The following SUMF1 variants were observed in gnomAD, a reference collection of about 807,000 sequenced individuals.
SUMF1 encodes the protein formylglycine-generating enzyme.
In SUMF1, 48 loss-of-function variants were observed where a neutral mutation model predicts 47.6. The ratio of observed to expected loss-of-function variants is 1.01; its 90% CI spans 0.80 to 1.28. The LOEUF (loss-of-function observed/expected upper bound fraction) is 1.28. SUMF1 is among the 50% of genes most tolerant of loss of function. SUMF1 has a pLI of 0.00. For synonymous variants in SUMF1, 230 were observed against 192.1 expected (o/e 1.20, Z -1.63); for missense variants, 571 against 485.4 (o/e 1.18, Z -1.66).
chr3:4,262,209 A>G (rs368736406), intron 8 of SUMF1, among the ~76,000 whole-genome samples: 88 of 152,244 alleles, frequency 5.8e-4, no homozygotes, highest in African/African-American at 1.9e-3. Context: ...TCCTTGGGCC[A>G]GGTAGGAGGA....
At chr3:4,261,849 G>A (rs955472491) in intron 8 of SUMF1, among the ~76,000 whole-genome samples, 10 of 152,308 alleles carry the variant, frequency 6.6e-5, no homozygotes, top group African/African-American at 1.2e-4. Context: ...ACTGATGTAC[G>A]GAGTCAGGTG....
At position 4,058,529 on chromosome 3, in the gene SUMF1, G is replaced by C. The variant is rs146763815; in HGVS notation, c.1191+10040C>G. Among the ~76,000 whole-genome samples, 693 of 152,238 alleles carry C rather than the reference G, an allele frequency of 4.6e-3. 5 individuals are homozygous for C. The highest frequency in any genetic ancestry group is 0.016 in the African/African-American group (655 of 41,532). The stretch of plus-strand genomic sequence containing the variant: ...GGGACTGGCTGGATCCACACAGAAG[G>C]GGGCAGGAACTCTGTTGAAAGATGG... On this transcript the variant is annotated intron_variant and NMD_transcript_variant, in intron 9 of 12. Coordinates refer to the SUMF1 transcript ENST00000448413.
At chr3:4,455,106 GC>G (rs1416661400) in intron 1 of SUMF1, among the ~76,000 whole-genome samples, 1 of 152,066 alleles carries the variant, frequency 6.6e-6, no homozygotes, top group Non-Finnish European at 1.5e-5. Flanking sequence ...AAAACCACAG[GC>G]CTTCAACCAT....
intron 8 of SUMF1, among the ~76,000 whole-genome samples, chr3:4,180,888 C>T (rs928094401): frequency 2.0e-5 from 3 of 152,012 alleles, no homozygotes; most frequent in Non-Finnish European, 4.4e-5. Context: ...GGAGTCCCCA[C>T]ATGGTTGGTA....
At chr3:4,112,439 G>A (rs1273859260) in intron 8 of SUMF1, among the ~76,000 whole-genome samples, 1 of 152,118 alleles carries the variant, frequency 6.6e-6, no homozygotes, top group Non-Finnish European at 1.5e-5. Flanking sequence ...ATTGCTAATG[G>A]TGAGAAGAAA....
rs1472098649 is a variant in SUMF1, at chr3:4,369,271, A to G, written c.1015-7017T>C. Among the ~76,000 whole-genome samples the G allele has an allele frequency of 6.6e-5, 10 of 152,156 alleles. No homozygotes were observed. In the East Asian group the frequency reaches 1.7e-3, roughly 26 times the overall value. ...TAACATTAGCAATTCTCAGGTAGAC[A>G]AAAGGAAGATGAATTTAAAGTGTGC... On this transcript the variant is annotated intron_variant, in intron 8 of 8. Transcript: ENST00000272902.
chr3:4,356,330 C>G (rs376207784), downstream of SUMF1, among the ~76,000 whole-genome samples: 29 of 152,322 alleles, frequency 1.9e-4, no homozygotes, highest in East Asian at 5.4e-3. Flanking sequence ...AATCTGCAAA[C>G]TTAGCCATAA....
intron 8 of SUMF1, among the ~76,000 whole-genome samples, chr3:4,135,288 C>T (rs1181843707): frequency 2.0e-5 from 3 of 152,102 alleles, no homozygotes; most frequent in Non-Finnish European, 2.9e-5. Flanking sequence ...ATCAAGTGGG[C>T]TTCATCCCTG....
intron 8 of SUMF1, among the ~76,000 whole-genome samples, chr3:4,195,637 G>T (rs1399787286): frequency 1.3e-5 from 2 of 152,118 alleles, no homozygotes; most frequent in East Asian, 3.9e-4. Flanking sequence ...TTATGAATAG[G>T]CAAGGATCTA....
At chr3:4,417,092 C>T in intron 6 of SUMF1, 36 bp downstream of exon 6, 1 of 1,601,242 alleles carries the variant, frequency 6.2e-7, no homozygotes, top group Non-Finnish European at 8.6e-7. Context: ...CAGTTCTCAG[C>T]AGCTGCCACC....
intron 8 of SUMF1, among the ~76,000 whole-genome samples, chr3:4,202,656 C>G (rs1357406015): frequency 1.3e-5 from 2 of 151,728 alleles, no homozygotes; most frequent in East Asian, 3.9e-4. Context: ...GTCATTGGTA[C>G]TTTGATAGGG....
At chr3:4,227,897 T>C (rs1362181587) in intron 8 of SUMF1, among the ~76,000 whole-genome samples, 1 of 152,166 alleles carries the variant, frequency 6.6e-6, no homozygotes, top group Non-Finnish European at 1.5e-5. Flanking sequence ...TCATTATGAA[T>C]ACAGAGACCT....
At chr3:4,426,201 C>CT (rs1314723436) in intron 3 of SUMF1, among the ~76,000 whole-genome samples, 1 of 152,188 alleles carries the variant, frequency 6.6e-6, no homozygotes, top group Non-Finnish European at 1.5e-5. Context: ...GCTTGGGCCC[C>CT]TGTAAGGGAA....
chr3:4,316,725 T>C (rs1414327766), intron 8 of SUMF1: 9 of 1,550,886 alleles, frequency 5.8e-6, no homozygotes, highest in East Asian at 4.9e-5. Context: ...AGCTCAGTGG[T>C]TGGATCAAGA....
At position 4,361,756 on chromosome 3, in the gene SUMF1, T is replaced by C. The variant is rs1021700505; in HGVS notation, c.*388A>G. The C allele has an allele frequency of 3.9e-6, 1 of 259,682 alleles. No individual in the cohort carries two copies. The highest frequency in any genetic ancestry group is 7.6e-6 in the Non-Finnish European group (1 of 131,932). The allele number at this position is 259,682 out of a possible 1,614,324, so 16.1% of individuals were successfully genotyped here. A position where few individuals can be genotyped will look rare whatever the true frequency, so the allele number is the denominator to read the frequency against. On this transcript the variant is annotated 3_prime_UTR_variant, in exon 9 of 9. Transcript: ENST00000272902. ...TTGGAGAGACACCCAGAGGTCATGC[T>C]GTCCATCCCTTCATTTGATAGGGGA...
chr3:4,318,331 A>G (rs1369382218), intron 8 of SUMF1, among the ~76,000 whole-genome samples: 1 of 152,230 alleles, frequency 6.6e-6, no homozygotes, highest in African/African-American at 2.4e-5. Flanking sequence ...TTAATGGGAT[A>G]ATTCACAAAA....
At chr3:4,238,833 T>A (rs1197880728) in intron 8 of SUMF1, among the ~76,000 whole-genome samples, 1 of 152,150 alleles carries the variant, frequency 6.6e-6, no homozygotes, top group Admixed American at 6.5e-5. Context: ...GGTGTTTTAG[T>A]CATGAAGTAT....
intron 8 of SUMF1, among the ~76,000 whole-genome samples, chr3:4,367,947 C>T (rs1236656513): frequency 1.4e-4 from 21 of 152,006 alleles, no homozygotes; most frequent in Admixed American, 1.3e-3. Flanking sequence ...ATGTCTAAAA[C>T]ACCAAAAGTA....
At chr3:4,081,135 A>G (rs764828386) in intron 8 of SUMF1, among the ~76,000 whole-genome samples, 13 of 152,126 alleles carry the variant, frequency 8.5e-5, no homozygotes, top group Non-Finnish European at 1.8e-4. Flanking sequence ...ATTGCCTCCT[A>G]TTTTACAGAT....
Sources: gnomAD v4.1 joint callset for allele counts (sites outside exome capture counted in the v4.1 genomes callset) on GRCh38, gnomAD v4.1.1 for gene constraint, MANE v1.5 for transcripts, NCBI Gene and HGNC (gene_info 2026-07-23, HGNC 2026-07-21) for gene names.